Variants in PRKCH observed in about 807,000 individuals in gnomAD.
PRKCH encodes the protein protein kinase C eta.
Under a neutral mutation model 82.5 loss-of-function variants are expected in PRKCH, and 28 were observed. That is an observed-to-expected ratio of 0.34 (90% CI 0.25 to 0.47). The LOEUF (loss-of-function observed/expected upper bound fraction) is 0.47, where lower values mean the gene tolerates loss of function less well. PRKCH is among the 20% of genes least tolerant of loss of function. PRKCH has a pLI of 1.00. For missense variants in PRKCH, 705 were observed against 881.8 expected, an observed-to-expected ratio of 0.80 and a Z score of 2.54; for synonymous variants, 322 against 327.4, an observed-to-expected ratio of 0.98 and a Z score of 0.18.
At chr14:61,482,758 A>G (rs1305330605) in intron 9 of PRKCH, among the ~76,000 whole-genome samples, 3 of 152,224 alleles carry the variant, frequency 2.0e-5, no homozygotes, top group Non-Finnish European at 2.9e-5. Context: ...GCAGAGGTGA[A>G]TCTGCCAGAG....
chr14:61,406,940 G>A (rs1594671888), intron 2 of PRKCH, among the ~76,000 whole-genome samples: 2 of 152,030 alleles, frequency 1.3e-5, no homozygotes, highest in South Asian at 4.2e-4. Context: ...GGTTTGCTGT[G>A]ATTGGAGTAG....
chr14:61,245,987 G>C (rs2044876527), intron 1 of PRKCH, among the ~76,000 whole-genome samples: 1 of 152,200 alleles, frequency 6.6e-6, no homozygotes, highest in Admixed American at 6.5e-5. Context: ...ATGTGAGGGA[G>C]AGCTTCCAGG....
chr14:61,438,683 C>A (rs1360845455), intron 2 of PRKCH, among the ~76,000 whole-genome samples: 1 of 152,114 alleles, frequency 6.6e-6, no homozygotes, highest in Non-Finnish European at 1.5e-5. Context: ...TCCACAGAAG[C>A]CTCACATGAC....
intron 1 of PRKCH, among the ~76,000 whole-genome samples, chr14:61,262,790 G>A (rs1303817493): frequency 1.3e-5 from 2 of 152,062 alleles, no homozygotes; most frequent in South Asian, 2.1e-4. Context: ...TAGGGAAAAT[G>A]GGGGGAAGTG....
intron 2 of PRKCH, among the ~76,000 whole-genome samples, chr14:61,435,902 A>G (rs1883657516): frequency 6.6e-6 from 1 of 152,198 alleles, no homozygotes; most frequent in Non-Finnish European, 1.5e-5. Context: ...ACTAAGAAAG[A>G]CGATTATAGA....
rs1194267256 is a variant in PRKCH at position 61,485,654 on chromosome 14, T to C, written c.1431T>C (p.Tyr477=). ...TCCTCCATGATAAAGGAATCATCTATAGGTGAGTTTTGGTTGCTGCCCTGT... is the reference window on the plus strand; with the variant it reads ...TCCTCCATGATAAAGGAATCATCTACAGGTGAGTTTTGGTTGCTGCCCTGT... The part of the protein sequence containing the change: ...LMFLHDKGII[Y]RDLKLDNVLL... Residue 477 remains tyrosine, a splice_region_variant and synonymous_variant, in exon 10 of 14, where the codon TAT becomes TAC. Coordinates refer to ENST00000332981, the MANE Select transcript of PRKCH (RefSeq NM_006255.5). 1 of 1,612,284 alleles carries C rather than the reference T, an allele frequency of 6.2e-7. No individual in the cohort carries two copies. Among genetic ancestry groups the C allele is most frequent in the African/African-American group, 1.3e-5 (1 of 74,888 alleles).
At chr14:61,349,722 A>G (rs929028654) in intron 1 of PRKCH, among the ~76,000 whole-genome samples, 1 of 152,102 alleles carries the variant, frequency 6.6e-6, no homozygotes, top group Non-Finnish European at 1.5e-5. Flanking sequence ...TTAGCCGGGC[A>G]TGGAAGTGTA....
chr14:61,328,709 C>T (rs1419382221), intron 1 of PRKCH, among the ~76,000 whole-genome samples: 2 of 151,924 alleles, frequency 1.3e-5, no homozygotes, highest in African/African-American at 4.8e-5. Context: ...CAACTGGGGC[C>T]GCGTGCTATG....
chr14:61,455,459 G>GAAAAAATGTATTTGAAACCTATTATGTA (rs1225581496), intron 7 of PRKCH, among the ~76,000 whole-genome samples: 2 of 152,134 alleles, frequency 1.3e-5, no homozygotes, highest in African/African-American at 4.8e-5. Flanking sequence ...AAATCATGGT[G>GAAAAAATGTATTTGAAACCTATTATGTA]AAAAAATGTA....
intron 9 of PRKCH, among the ~76,000 whole-genome samples, chr14:61,481,543 T>C (rs1885970698): frequency 1.3e-5 from 2 of 152,244 alleles, no homozygotes; most frequent in African/African-American, 2.4e-5. Flanking sequence ...CTTTCCCATG[T>C]CTTATCTTCC....
rs187251501 is a variant in PRKCH, at chr14:61,492,652, A to G, written c.1433+6996A>G. Among the ~76,000 whole-genome samples the G allele has an allele frequency of 5.9e-5, 9 of 152,376 alleles. No homozygotes were observed. In the East Asian group the frequency reaches 1.7e-3, roughly 29 times the overall value. ...AGAAAAATCCAGTTGAGATCAGAAC[A>G]TATTTCCTGAGCTGCCACCTAGTGC... is the stretch of plus-strand genomic sequence containing the variant. On this transcript the variant is annotated intron_variant, in intron 10 of 13. Transcript: ENST00000332981.
chr14:61,235,297 G>T (rs1476707988), intron 1 of PRKCH, among the ~76,000 whole-genome samples: 1 of 152,106 alleles, frequency 6.6e-6, no homozygotes. Flanking sequence ...TTCCATCACC[G>T]CTAGGCAAAC....
chr14:61,512,145 G>A (rs575582718), intron 10 of PRKCH, among the ~76,000 whole-genome samples: 1 of 151,764 alleles, frequency 6.6e-6, no homozygotes, highest in Non-Finnish European at 1.5e-5. Flanking sequence ...CAAACTCTAC[G>A]TGAGCATAGG....
intron 4 of PRKCH, among the ~76,000 whole-genome samples, chr14:61,447,213 T>C (rs2140281685): frequency 6.6e-6 from 1 of 152,376 alleles, no homozygotes. Flanking sequence ...TTTTTATTTG[T>C]TTTGTTTTAT....
At chr14:61,332,036 T>C (rs1339273274) in intron 1 of PRKCH, among the ~76,000 whole-genome samples, 1 of 152,212 alleles carries the variant, frequency 6.6e-6, no homozygotes, top group Non-Finnish European at 1.5e-5. Context: ...TTCTATGGGA[T>C]GGTTGTAAGT....
chr14:61,369,338 C>A (rs1036689025), intron 1 of PRKCH, among the ~76,000 whole-genome samples: 2 of 152,104 alleles, frequency 1.3e-5, no homozygotes, highest in African/African-American at 2.4e-5. Flanking sequence ...ACTTTGAGAA[C>A]CTCTGCATTA....
chr14:61,302,316 T>C (rs938565635), intron 1 of PRKCH, among the ~76,000 whole-genome samples: 1 of 152,244 alleles, frequency 6.6e-6, no homozygotes, highest in African/African-American at 2.4e-5. Flanking sequence ...TCAGTTGTTT[T>C]ACACAGTCCT....
intron 1 of PRKCH, among the ~76,000 whole-genome samples, chr14:61,355,047 A>G (rs1024598890): frequency 3.3e-5 from 5 of 152,240 alleles, no homozygotes; most frequent in East Asian, 1.9e-4. Flanking sequence ...GATTCAATGG[A>G]TAATTTCGAT....
intron 1 of PRKCH, among the ~76,000 whole-genome samples, chr14:61,206,224 C>T (rs894944990): frequency 6.6e-6 from 1 of 152,222 alleles, no homozygotes; most frequent in Admixed American, 6.5e-5. Context: ...TTTATCTTCT[C>T]ACAGTTCTAG....
Sources: gnomAD v4.1 joint callset for allele counts (sites outside exome capture counted in the v4.1 genomes callset) on GRCh38, gnomAD v4.1.1 for gene constraint, MANE v1.5 for transcripts, NCBI Gene and HGNC (gene_info 2026-07-23, HGNC 2026-07-21) for gene names.